FHIT: variants seen among roughly 807,000 people sequenced by gnomAD.
FHIT encodes the protein fragile histidine triad diadenosine triphosphatase.
In FHIT, 19 loss-of-function variants were observed where a neutral mutation model predicts 17.9. The observed-to-expected ratio is 1.06, with a 90% CI of 0.74 to 1.56. The LOEUF is 1.56. Ranked by LOEUF, FHIT falls within the 40% of genes most tolerant of loss-of-function variation. The probability of loss-of-function intolerance (pLI) is 0.00; values close to 1 mark genes in which losing one functional copy is unlikely to be tolerated. For synonymous variants in FHIT, 81 were observed against 69.7 expected, an observed-to-expected ratio of 1.16 and a Z score of -0.81; for missense variants, 248 against 189.2, an observed-to-expected ratio of 1.31 and a Z score of -1.82.
chr3:60,205,997 G>A (rs1283407754), intron 5 of FHIT, among the ~76,000 whole-genome samples: 1 of 150,236 alleles, frequency 6.7e-6, no homozygotes, highest in African/African-American at 2.4e-5. Flanking sequence ...GCCGGGCGTG[G>A]TTGCAGGCAC....
intron 8 of FHIT, among the ~76,000 whole-genome samples, chr3:59,774,432 G>C (rs1702213046): frequency 6.6e-6 from 1 of 152,204 alleles, no homozygotes. Context: ...TGGTGTGTGA[G>C]GTTCGGCAAG....
Position 61,135,582 on chromosome 3 carries a change from AACACACACACACACACAT to A in FHIT, c.-164+65017_-164+65034del, listed in dbSNP as rs753470048. 3.7e-3 allele frequency among the ~76,000 whole-genome samples: 560 copies of A among 151,308 alleles called. 4 individuals are homozygous for A. Among genetic ancestry groups the A allele is most frequent in the African/African-American group, 0.013 (532 of 41,284 alleles). On this transcript the variant is annotated intron_variant, in intron 2 of 9. Transcript: ENST00000492590. ...ACCCACACTTGCATCCTTGTGTTCG[AACACACACACACACACAT>A]ACACACACACACACATACACACAGT...
At chr3:59,762,750 AT>A (rs1020502410) in intron 8 of FHIT, among the ~76,000 whole-genome samples, 7 of 152,206 alleles carry the variant, frequency 4.6e-5, no homozygotes, top group Non-Finnish European at 8.8e-5. Context: ...GGAAAATTGC[AT>A]CTCAGGGCAG....
At chr3:60,648,590 G>T (rs564693982) in intron 4 of FHIT, among the ~76,000 whole-genome samples, 7 of 152,170 alleles carry the variant, frequency 4.6e-5, no homozygotes, top group Admixed American at 6.5e-5. Flanking sequence ...CAGGAAGGGG[G>T]GCACTTACAT....
chr3:60,397,783 T>C (rs9882551), intron 5 of FHIT, among the ~76,000 whole-genome samples: 82,606 of 152,102 alleles, frequency 0.54, 23,566 homozygotes, highest in Non-Finnish European at 0.65. Context: ...CTTGTCTTCC[T>C]GTTTGGCACA....
At chr3:60,467,147 T>C (rs2032842478) in intron 5 of FHIT, among the ~76,000 whole-genome samples, 1 of 152,052 alleles carries the variant, frequency 6.6e-6, no homozygotes, top group African/African-American at 2.4e-5. Flanking sequence ...TCCAATTTAT[T>C]GGTATATAGT....
intron 5 of FHIT, among the ~76,000 whole-genome samples, chr3:60,245,836 T>C (rs1275021049): frequency 1.3e-5 from 2 of 152,038 alleles, no homozygotes; most frequent in Admixed American, 1.3e-4. Context: ...CAGTGAACAA[T>C]TATCTGGGCA....
At chr3:60,601,212 G>A (rs1297981399) in intron 4 of FHIT, among the ~76,000 whole-genome samples, 1 of 152,176 alleles carries the variant, frequency 6.6e-6, no homozygotes, top group Non-Finnish European at 1.5e-5. Flanking sequence ...AGTGTGGGCT[G>A]CACCCTGCTT....
intron 5 of FHIT, among the ~76,000 whole-genome samples, chr3:60,157,620 G>C (rs112462351): frequency 1.3e-5 from 2 of 152,212 alleles, no homozygotes; most frequent in African/African-American, 4.8e-5. Context: ...TCACTGAGCT[G>C]TTTAGCCTGG....
chr3:60,604,771 T>C (rs75170414), intron 4 of FHIT, among the ~76,000 whole-genome samples: 1 of 152,268 alleles, frequency 6.6e-6, no homozygotes, highest in Non-Finnish European at 1.5e-5. Flanking sequence ...CACTTACTAT[T>C]GCCCAGGAAT....
chr3:60,554,864 C>G (rs536944008), intron 4 of FHIT, among the ~76,000 whole-genome samples: 16 of 152,272 alleles, frequency 1.1e-4, no homozygotes, highest in African/African-American at 3.6e-4. Flanking sequence ...CATGGCAAAG[C>G]AATGCTGCTC....
At chr3:60,243,598 T>C (rs181061458) in intron 5 of FHIT, among the ~76,000 whole-genome samples, 13 of 152,228 alleles carry the variant, frequency 8.5e-5, no homozygotes, top group Admixed American at 8.5e-4. Flanking sequence ...CTTTAGAAGA[T>C]AGAGGCAACG....
chr3:60,056,140 G>C (rs1702070986), intron 5 of FHIT, among the ~76,000 whole-genome samples: 1 of 152,196 alleles, frequency 6.6e-6, no homozygotes, highest in East Asian at 1.9e-4. Context: ...AGGGCTTCCT[G>C]AGTCAGGTTT....
At chr3:60,841,707 A>T (rs1702728831) in intron 3 of FHIT, among the ~76,000 whole-genome samples, 1 of 152,224 alleles carries the variant, frequency 6.6e-6, no homozygotes, top group Non-Finnish European at 1.5e-5. Context: ...TTAAAATTCC[A>T]TGCAGAGCAG....
At chr3:59,908,850 T>TTTTTTTTTTTTTTTTTTTGAG (rs1553712872) in intron 8 of FHIT, among the ~76,000 whole-genome samples, 1 of 150,092 alleles carries the variant, frequency 6.7e-6, no homozygotes, top group Non-Finnish European at 1.5e-5. Context: ...TTTCATTTTT[T>TTTTTTTTTTTTTTTTTTTGAG]AATAGTCCAA....
In FHIT at chr3:61,044,078, C is replaced by T. The variant is rs190010502; in HGVS notation, c.-163-1979G>A. Among the ~76,000 whole-genome samples the T allele has an allele frequency of 4.2e-3, 642 of 152,280 alleles. 3 individuals are homozygous for T. Among genetic ancestry groups the T allele is most frequent in the African/African-American group, 0.014 (592 of 41,568 alleles). On this transcript the variant is annotated intron_variant, in intron 2 of 9. Coordinates refer to ENST00000492590, the MANE Select transcript of FHIT (RefSeq NM_002012.4). ...TCTAAAAATCAGAGCGCCTCTTCTC[C>T]TCGAAAGGAACGCAGCTGCTCGCCA... is the stretch of plus-strand genomic sequence containing the variant.
At position 59,867,531 on chromosome 3, in the gene FHIT, A is replaced by T. The variant is rs554631790; in HGVS notation, c.348+54815T>A. Among the ~76,000 whole-genome samples, 4 of 152,168 alleles carry T rather than the reference A, an allele frequency of 2.6e-5. No individual in the cohort carries two copies. The East Asian group carries it at 7.8e-4, about 30-fold the overall frequency. ...TGATCCTAAATCTATCACTGAAATG[A>T]TGACTTCACTTGCATTTATGCATTT... On this transcript the variant is annotated intron_variant, in intron 8 of 9. Transcript: ENST00000492590.
At chr3:61,201,341 A>T (rs186513019) in intron 1 of FHIT, among the ~76,000 whole-genome samples, 18 of 152,350 alleles carry the variant, frequency 1.2e-4, no homozygotes, top group Admixed American at 9.8e-4. Flanking sequence ...GTGACAAAAG[A>T]TCTGCAAAAG....
At chr3:60,081,157 A>G (rs1703266944) in intron 5 of FHIT, among the ~76,000 whole-genome samples, 1 of 152,140 alleles carries the variant, frequency 6.6e-6, no homozygotes, top group Non-Finnish European at 1.5e-5. Flanking sequence ...TCCCATTAGA[A>G]TCACCTGAGG....
Sources: allele counts gnomAD v4.1 joint callset (sites outside exome capture counted in the v4.1 genomes callset), GRCh38; gene constraint gnomAD v4.1.1; transcripts MANE v1.5; gene names NCBI Gene and HGNC (gene_info 2026-07-23, HGNC 2026-07-21).